Variants in COL7A1 observed in about 807,000 individuals in gnomAD.
COL7A1 encodes collagen alpha-1(VII) chain.
Under a neutral mutation model 456.2 loss-of-function variants are expected in COL7A1, and 296 were observed. That is an observed-to-expected ratio of 0.65 (90% CI 0.59 to 0.71). The LOEUF is 0.71. Among genes scored for constraint, COL7A1 ranks in the 30% least tolerant of loss-of-function variants. The pLI is 0.00. For synonymous variants in COL7A1, 1,464 were observed against 1,525.9 expected, an observed-to-expected ratio of 0.96 and a Z score of 0.95; for missense variants, 3,441 against 4,017.2, an observed-to-expected ratio of 0.86 and a Z score of 3.88.
rs763147984 is a variant in COL7A1 at position 48,583,566 on chromosome 3, G to A, written c.4391C>T (p.Pro1464Leu). Residue 1464 changes from proline to leucine, a missense_variant, in exon 41 of 119, where the codon CCG (proline) becomes CTG (leucine). Pro to Leu is a moderately conservative substitution (Grantham distance 98). This residue lies in a region of COL7A1 where 2,084 missense variants were observed against 2,501.3 expected (regional missense o/e 0.83). Coordinates refer to ENST00000681320, the MANE Select transcript of COL7A1 (RefSeq NM_000094.4). This position sits in a 1 kb window ranked among gnomAD's most constrained non-coding sequence, Gnocchi z 5.1. ...GGCCCCTCCACTCACCTGCTCACCC[G>A]GAGACCCAGGTTGTCCTGGGAGGCC... ...APGLPGQPGS[P>L]GEQGPRGPPG... The A allele has an allele frequency of 1.2e-5, 20 of 1,613,998 alleles. No homozygotes were observed. Among genetic ancestry groups the A allele is most frequent in the South Asian group, 5.5e-5 (5 of 91,082 alleles).
At position 48,580,855 on chromosome 3, in the gene COL7A1, CT is replaced by C. The variant is rs1374510567; in HGVS notation, c.4980+26del. The stretch of plus-strand genomic sequence containing the variant: ...CCTTCATGCCCACCTCCCATCACCC[CT>C]GTTACTTCTCTCTGCCAAGACTCAC... On this transcript the variant is annotated intron_variant, in intron 54 of 118. Coordinates refer to ENST00000681320, the MANE Select transcript of COL7A1 (RefSeq NM_000094.4). The surrounding 1 kb of genome is among the most constrained non-coding windows in gnomAD (Gnocchi z 4.5). 1.2e-6 allele frequency: 2 copies of C among 1,613,216 alleles called. No homozygotes were observed. The highest frequency in any genetic ancestry group is 2.7e-5 in the African/African-American group (2 of 74,884).
Position 48,567,393 on chromosome 3 carries a change from C to A in COL7A1, c.8046+181G>T. The A allele has an allele frequency of 1.0e-6, 1 of 979,502 alleles. No individual in the cohort carries two copies. Among genetic ancestry groups the A allele is most frequent in the Non-Finnish European group, 1.6e-6 (1 of 637,094 alleles). The allele number at this position is 979,502 out of a possible 1,614,324, so 60.7% of individuals were successfully genotyped here. ...GCACATGCCCCCTCCACCTCCCATG[C>A]TTTCATCCTAACTCCACTGTGACCC... On this transcript the variant is annotated intron_variant, in intron 109 of 118. Transcript: ENST00000681320. The surrounding 1 kb of genome is among the most constrained non-coding windows in gnomAD (Gnocchi z 4.3).
chr3:48,577,670 GA>G lies in COL7A1; in HGVS notation c.5533-644del, dbSNP rs1309926440. On this transcript the variant is annotated intron_variant, in intron 65 of 118. Coordinates refer to ENST00000681320, the MANE Select transcript of COL7A1 (RefSeq NM_000094.4). ...ATGTCTTAGCACATGAGTCTGGGTG[GA>G]AGTGTCTGGGTATCAACATGTCTCT... Among the ~76,000 whole-genome samples the G allele has an allele frequency of 6.6e-5, 10 of 152,300 alleles. 1 individual carries two copies. The South Asian group carries it at 2.1e-3, about 32-fold the overall frequency.
Position 48,583,206 on chromosome 3 carries a change from A to G in COL7A1, c.4438-35T>C. 1 of 1,612,906 alleles carries G rather than the reference A, an allele frequency of 6.2e-7. No homozygotes were observed. The highest frequency in any genetic ancestry group is 1.7e-4 in the Middle Eastern group (1 of 6,060). On this transcript the variant is annotated intron_variant, in intron 42 of 118. Transcript: ENST00000681320. The surrounding 1 kb of genome is among the most constrained non-coding windows in gnomAD (Gnocchi z 5.1). ...GAGGGTGAGAGAAAGACAGAGAGAG[A>G]GAGGGTTGGTGGCGGGGCTTGAACG...
In COL7A1 at chr3:48,585,335, G is replaced by C. The variant is rs2045163198; in HGVS notation, c.3895-219C>G. On this transcript the variant is annotated intron_variant, in intron 32 of 118. Coordinates refer to ENST00000681320, the MANE Select transcript of COL7A1 (RefSeq NM_000094.4). The surrounding 1 kb of genome is among the most constrained non-coding windows in gnomAD (Gnocchi z 4.5). ...CAAGGCAGAGGGCTTCCCTGCCTCT[G>C]GGACTTGGAGCTGCTGCTCAGGCTC... 6.6e-6 allele frequency among the ~76,000 whole-genome samples: 1 copy of C among 152,192 alleles called. No individual in the cohort carries two copies. The highest frequency in any genetic ancestry group is 2.4e-5 in the African/African-American group (1 of 41,436).
intron 44 of COL7A1, 152 bp downstream of exon 44, chr3:48,582,861 T>C: frequency 7.7e-7 from 1 of 1,295,402 alleles, no homozygotes; most frequent in Non-Finnish European, 1.1e-6. Flanking sequence ...GCCAGGTCCC[T>C]GGGGCTGAGG....
At position 48,580,094 on chromosome 3, in the gene COL7A1, C is replaced by G; in HGVS notation, c.5098-37G>C. ...AATGATTATAGTCAATAGGAGCCCT[C>G]AGGTCCCAGGCCATGGCTCTGGTTT... On this transcript the variant is annotated intron_variant, in intron 56 of 118. Transcript: ENST00000681320. This position sits in a 1 kb window ranked among gnomAD's most constrained non-coding sequence, Gnocchi z 4.5. 5 of 1,612,590 alleles carry G rather than the reference C, an allele frequency of 3.1e-6. No individual in the cohort carries two copies. Among genetic ancestry groups the G allele is most frequent in the Non-Finnish European group, 4.2e-6 (5 of 1,178,996 alleles).
intron 71 of COL7A1, 144 bp from the exon 72 acceptor site, chr3:48,576,046 C>G (rs2044277137): frequency 7.0e-7 from 1 of 1,433,362 alleles, no homozygotes; most frequent in Admixed American, 1.9e-5. Context: ...TGAGGCATGG[C>G]TGGAGACTCC....
Position 48,579,430 on chromosome 3 carries a change from G to C in COL7A1, c.5272-26C>G. On this transcript the variant is annotated intron_variant, in intron 60 of 118. Transcript: ENST00000681320. The surrounding 1 kb of genome is among the most constrained non-coding windows in gnomAD (Gnocchi z 4.4). ...CTGGAGGGAACAGGGTCAGATAAGA[G>C]GTGAGGGTAAGATGGGGACTTGGCA... 6.2e-7 allele frequency: 1 copy of C among 1,614,182 alleles called. No homozygotes were observed. The highest frequency in any genetic ancestry group is 8.5e-7 in the Non-Finnish European group (1 of 1,180,026).
Position 48,571,940 on chromosome 3 carries a change from C to A in COL7A1, c.7068+61G>T. The A allele has an allele frequency of 6.3e-7, 1 of 1,593,300 alleles. No homozygotes were observed. ...CATGTGCCCCGGCCCAAGAGTGGCC[C>A]CTTATGCCCGCCATCACACTCCTCA... On this transcript the variant is annotated intron_variant, in intron 92 of 118. Transcript: ENST00000681320. The surrounding 1 kb of genome is among the most constrained non-coding windows in gnomAD (Gnocchi z 4.6).
chr3:48,591,990 C>T lies in COL7A1; in HGVS notation c.1265G>A (p.Arg422His), dbSNP rs1226891360. 6.8e-6 allele frequency: 11 copies of T among 1,614,200 alleles called. No individual in the cohort carries two copies. Among genetic ancestry groups the T allele is most frequent in the East Asian group, 4.5e-5 (2 of 44,880 alleles). ...RTDASVEQTL[R>H]PVILGPTSIL... ...GGATGTGGGGCCCAGGATGACCGGG[C>T]GCAGGGTCTGCTCAACAGAAGCGTC... Residue 422 changes from arginine to histidine, a missense_variant, in exon 11 of 119, where the codon CGC becomes CAC. This residue lies in a region of COL7A1 where 913 missense variants were observed against 1,088.2 expected (regional missense o/e 0.84). Coordinates refer to ENST00000681320, the MANE Select transcript of COL7A1 (RefSeq NM_000094.4). This position sits in a 1 kb window ranked among gnomAD's most constrained non-coding sequence, Gnocchi z 7.0.
At position 48,580,475 on chromosome 3, in the gene COL7A1, G is replaced by A; in HGVS notation, c.5052+106C>T. On this transcript the variant is annotated intron_variant, in intron 55 of 118. Transcript: ENST00000681320. The surrounding 1 kb of genome is among the most constrained non-coding windows in gnomAD (Gnocchi z 4.5). ...GTGTGCAGGGGTCAAAGGAAGTGAA[G>A]ATTGGGAGGGTTTAGCATTACAGGG... 1 of 1,480,238 alleles carries A rather than the reference G, an allele frequency of 6.8e-7. No homozygotes were observed. The highest frequency in any genetic ancestry group is 1.2e-5 in the South Asian group (1 of 85,150). 91.7% of individuals were successfully genotyped at this position (1,480,238 alleles called of 1,614,324 possible). A position where few individuals can be genotyped will look rare whatever the true frequency, so the allele number is the denominator to read the frequency against.
rs907238849 is a variant in COL7A1, at chr3:48,575,069, G to A, written c.6274C>T (p.Pro2092Ser). 8 of 1,613,296 alleles carry A rather than the reference G, an allele frequency of 5.0e-6. No individual in the cohort carries two copies. Among genetic ancestry groups the A allele is most frequent in the South Asian group, 2.2e-5 (2 of 91,082 alleles). ...GTPGPPGPPG[P>S]KVSVDEPGPG... The stretch of plus-strand genomic sequence containing the variant: ...GGCAGGGATGGGGTGATCACCTTGG[G>A]GCCAGGGGGTCCGGGGGGCCCAGGG... The change falls in exon 76 of 119, where the codon CCC becomes TCC. Residue 2092 changes from proline to serine, a missense_variant. Physicochemically the swap from Pro to Ser is moderately conservative, Grantham distance 74 (BLOSUM62 -1). This residue lies in a region of COL7A1 where 2,084 missense variants were observed against 2,501.3 expected (regional missense o/e 0.83). Coordinates refer to ENST00000681320, the MANE Select transcript of COL7A1 (RefSeq NM_000094.4). This position sits in a 1 kb window ranked among gnomAD's most constrained non-coding sequence, Gnocchi z 6.3.
chr3:48,593,758 A>C lies in COL7A1; in HGVS notation c.267-62T>G. On this transcript the variant is annotated intron_variant, in intron 3 of 118. Transcript: ENST00000681320. The surrounding 1 kb of genome is among the most constrained non-coding windows in gnomAD (Gnocchi z 4.4). ...AGGATCTCTTCTGGCCCTGGCCTTG[A>C]GGAGGCCTCTAGGGTGAGGGTTACG... 1 of 1,601,140 alleles carries C rather than the reference A, an allele frequency of 6.2e-7. No individual in the cohort carries two copies. The highest frequency in any genetic ancestry group is 8.6e-7 in the Non-Finnish European group (1 of 1,168,348).
Position 48,586,278 on chromosome 3 carries a change from C to T in COL7A1, c.3551-32G>A. ...TGGGGTCCAGTGGCTGCATGATAGC[C>T]TTTTCAGGGCCACCCCTATTCCCAG... On this transcript the variant is annotated intron_variant, in intron 27 of 118. Coordinates refer to ENST00000681320, the MANE Select transcript of COL7A1 (RefSeq NM_000094.4). The surrounding 1 kb of genome is among the most constrained non-coding windows in gnomAD (Gnocchi z 5.1). 1 of 1,613,746 alleles carries T rather than the reference C, an allele frequency of 6.2e-7. No homozygotes were observed. The highest frequency in any genetic ancestry group is 8.5e-7 in the Non-Finnish European group (1 of 1,180,044).
At position 48,592,442 on chromosome 3, in the gene COL7A1, G is replaced by T; in HGVS notation, c.1002C>A (p.Thr334=). The T allele has an allele frequency of 1.9e-6, 3 of 1,613,796 alleles. No individual in the cohort carries two copies. Among genetic ancestry groups the T allele is most frequent in the Non-Finnish European group, 2.5e-6 (3 of 1,180,044 alleles). The change falls in exon 9 of 119, where the codon ACC becomes ACA. Residue 334 remains threonine (T), a synonymous_variant. Transcript: ENST00000681320. The surrounding 1 kb of genome is among the most constrained non-coding windows in gnomAD (Gnocchi z 7.6). ...RTTALEGPEL[T]IQNTTAHSLL... ...GGCTGTGGGCTGTGGTATTCTGGAT[G>T]GTCAGTTCCGGCCCTTCTAGGGCAG...
rs1404823827 is a variant in COL7A1 at position 48,571,596 on chromosome 3, C to T, written c.7069-318G>A. The T allele has an allele frequency of 6.0e-6, 4 of 665,174 alleles. No homozygotes were observed. The highest frequency in any genetic ancestry group is 1.1e-5 in the Non-Finnish European group (4 of 351,664). The allele number at this position is 665,174 out of a possible 1,614,324, so 41.2% of individuals were successfully genotyped here. ...GGACACACGGGCGCTCAGAGGGGAACCCCAACACGTCCACTCCCGGGTAGA... is the reference window on the plus strand; with the variant it reads ...GGACACACGGGCGCTCAGAGGGGAATCCCAACACGTCCACTCCCGGGTAGA... On this transcript the variant is annotated intron_variant, in intron 92 of 118. Transcript: ENST00000681320. The surrounding 1 kb of genome is among the most constrained non-coding windows in gnomAD (Gnocchi z 4.6).
In COL7A1 at chr3:48,585,254, A is replaced by C. The variant is rs1281308966; in HGVS notation, c.3895-138T>G. On this transcript the variant is annotated intron_variant, in intron 32 of 118. Coordinates refer to ENST00000681320, the MANE Select transcript of COL7A1 (RefSeq NM_000094.4). This position sits in a 1 kb window ranked among gnomAD's most constrained non-coding sequence, Gnocchi z 4.5. ...GTTATTGGGGGTGGAACAGTGAGGC[A>C]GAGAAATGGCCCCTCAGAGCTTCAC... 2 of 880,450 alleles carry C rather than the reference A, an allele frequency of 2.3e-6. No homozygotes were observed. The highest frequency in any genetic ancestry group is 3.5e-6 in the Non-Finnish European group (2 of 565,380). 54.5% of individuals were successfully genotyped at this position (880,450 alleles called of 1,614,324 possible).
Position 48,594,303 on chromosome 3 carries a change from C to G in COL7A1, c.266+65G>C. 6.3e-7 allele frequency: 1 copy of G among 1,576,064 alleles called. No homozygotes were observed. The highest frequency in any genetic ancestry group is 1.1e-5 in the South Asian group (1 of 90,180). On this transcript the variant is annotated intron_variant, in intron 3 of 118. Transcript: ENST00000681320. The surrounding 1 kb of genome is among the most constrained non-coding windows in gnomAD (Gnocchi z 5.5). ...TGGCCTGGGGTTTCCAGGGTCTCCT[C>G]CCTCTCTGGGGAAGGAGTCTTGGTG... is the stretch of plus-strand genomic sequence containing the variant.
Sources: allele counts gnomAD v4.1 joint callset (sites outside exome capture counted in the v4.1 genomes callset), GRCh38; gene constraint gnomAD v4.1.1; regional missense constraint gnomAD v4.1.1; non-coding constraint Gnocchi (gnomAD v3.1); transcripts MANE v1.5; gene names NCBI Gene and HGNC (gene_info 2026-07-23, HGNC 2026-07-21).